Variants in MTUS2 observed in about 807,000 individuals in gnomAD.
The protein encoded by MTUS2 is microtubule-associated tumor suppressor candidate 2.
In MTUS2, 40 loss-of-function variants were observed where a neutral mutation model predicts 114.1. The observed-to-expected ratio is 0.35, with a 90% CI of 0.27 to 0.46. The LOEUF (loss-of-function observed/expected upper bound fraction) is 0.46, where lower values mean the gene tolerates loss of function less well. Among genes scored for constraint, MTUS2 ranks in the 20% least tolerant of loss-of-function variants. The pLI, the probability that MTUS2 is intolerant of heterozygous loss-of-function variation, is 1.00. For missense variants in MTUS2, 1,679 were observed against 1,705.4 expected (o/e 0.98, Z 0.27); for synonymous variants, 688 against 672.0 (o/e 1.02, Z -0.37).
chr13:29,021,724 C>CT (rs1886298353), intron 2 of MTUS2, among the ~76,000 whole-genome samples: 1 of 152,182 alleles, frequency 6.6e-6, no homozygotes, highest in Non-Finnish European at 1.5e-5. Flanking sequence ...AAACTGTGAT[C>CT]TTATTGATTT....
intron 4 of MTUS2, among the ~76,000 whole-genome samples, chr13:29,100,242 A>T (rs1257446111): frequency 6.6e-6 from 1 of 152,206 alleles, no homozygotes; most frequent in Non-Finnish European, 1.5e-5. Flanking sequence ...CTAGTTCCAC[A>T]GTCTGCACTA....
intron 2 of MTUS2, among the ~76,000 whole-genome samples, chr13:28,921,716 G>T (rs1027766080): frequency 8.5e-5 from 13 of 152,184 alleles, no homozygotes; most frequent in Non-Finnish European, 1.6e-4. Context: ...CTGCTGGGAT[G>T]GGTGGTTCCT....
At chr13:29,319,678 G>A (rs1261766854) in intron 6 of MTUS2, among the ~76,000 whole-genome samples, 1 of 152,146 alleles carries the variant, frequency 6.6e-6, no homozygotes, top group Non-Finnish European at 1.5e-5. Flanking sequence ...CTGACCACAT[G>A]AAACAAGAGG....
chr13:28,937,911 C>T (rs904954614), intron 2 of MTUS2, among the ~76,000 whole-genome samples: 2 of 152,162 alleles, frequency 1.3e-5, no homozygotes, highest in Non-Finnish European at 2.9e-5. Context: ...TTGGTACCCT[C>T]ACTCCTTTAA....
At position 29,062,822 on chromosome 13, in the gene MTUS2, A is replaced by G. The variant is rs185194105; in HGVS notation, c.2446+28697A>G. On this transcript the variant is annotated intron_variant, in intron 4 of 15. Coordinates refer to ENST00000612955, the MANE Select transcript of MTUS2 (RefSeq NM_001033602.4). ...TCCTCCTAGTGTTTCTGTGTCATAAATGAATGATATTTCCTAAGACCCTTG... is the reference window on the plus strand; with the variant it reads ...TCCTCCTAGTGTTTCTGTGTCATAAGTGAATGATATTTCCTAAGACCCTTG... Among the ~76,000 whole-genome samples, 34 of 152,334 alleles carry G rather than the reference A, an allele frequency of 2.2e-4. No homozygotes were observed. The East Asian group carries it at 4.2e-3, about 19-fold the overall frequency.
intron 5 of MTUS2, among the ~76,000 whole-genome samples, chr13:29,181,165 G>T (rs11147367): frequency 0.15 from 22,679 of 152,066 alleles, 1,883 homozygotes; most frequent in East Asian, 0.31. Context: ...ATATTCTCTC[G>T]ATGGGCCCGG....
chr13:28,907,068 A>G (rs1248222049), intron 2 of MTUS2, among the ~76,000 whole-genome samples: 1 of 151,680 alleles, frequency 6.6e-6, no homozygotes, highest in Non-Finnish European at 1.5e-5. Context: ...CAGAAACCGT[A>G]CAAGCCAGAA....
At chr13:29,491,793 G>A (rs1882122730) in intron 11 of MTUS2, among the ~76,000 whole-genome samples, 3 of 146,110 alleles carry the variant, frequency 2.1e-5, no homozygotes, top group African/African-American at 5.1e-5. Context: ...GCTGTTGTAT[G>A]TAGCGTATGT....
At position 29,504,600 on chromosome 13, in the gene MTUS2, G is replaced by C. The variant is rs1419661760; in HGVS notation, c.*1394G>C. 8.6e-6 allele frequency: 2 copies of C among 232,840 alleles called. No homozygotes were observed. Among genetic ancestry groups the C allele is most frequent in the Non-Finnish European group, 1.7e-5 (2 of 117,834 alleles). 14.4% of individuals were successfully genotyped at this position (232,840 alleles called of 1,614,324 possible). A position where few individuals can be genotyped will look rare whatever the true frequency, so the allele number is the denominator to read the frequency against. On this transcript the variant is annotated 3_prime_UTR_variant, in exon 16 of 16. Coordinates refer to ENST00000612955, the MANE Select transcript of MTUS2 (RefSeq NM_001033602.4). Reference sequence around the variant, plus strand: ...CCAGGGGGCACCAGCTCCTGGACTGGCATCTGTCTCTAAAATGGTAGAATT... The same window carrying C: ...CCAGGGGGCACCAGCTCCTGGACTGCCATCTGTCTCTAAAATGGTAGAATT...
intron 2 of MTUS2, among the ~76,000 whole-genome samples, chr13:28,998,260 G>T (rs1375857814): frequency 6.6e-6 from 1 of 152,228 alleles, no homozygotes. Context: ...CAAGAGATCA[G>T]CTGTTAGTCC....
intron 3 of MTUS2, among the ~76,000 whole-genome samples, chr13:29,031,576 C>G (rs1886833445): frequency 6.6e-6 from 1 of 151,874 alleles, no homozygotes; most frequent in Non-Finnish European, 1.5e-5. Context: ...GCAGAATCCC[C>G]TTTTCTTTAG....
intron 11 of MTUS2, among the ~76,000 whole-genome samples, chr13:29,488,435 CTCT>C (rs1221082611): frequency 1.5e-5 from 2 of 136,064 alleles, no homozygotes; most frequent in Non-Finnish European, 3.1e-5. Context: ...TTTTTTTTTC[CTCT>C]TTTTTTTTTT....
intron 2 of MTUS2, among the ~76,000 whole-genome samples, chr13:29,020,193 C>T (rs1886235050): frequency 6.6e-6 from 1 of 152,028 alleles, no homozygotes; most frequent in African/African-American, 2.4e-5. Flanking sequence ...GATAAAATAT[C>T]AATTACTTCT....
intron 5 of MTUS2, among the ~76,000 whole-genome samples, chr13:29,265,307 C>G (rs1897627905): frequency 6.6e-6 from 1 of 152,182 alleles, no homozygotes; most frequent in Admixed American, 6.5e-5. Context: ...GTTTGTCAGC[C>G]TAGATTTCAC....
chr13:29,176,447 G>A (rs1042754520), intron 5 of MTUS2, among the ~76,000 whole-genome samples: 15 of 152,144 alleles, frequency 9.9e-5, no homozygotes, highest in Admixed American at 3.3e-4. Context: ...GTGCTATCTC[G>A]TGCGGCTCAC....
At chr13:28,888,419 C>CTTTT (rs11447851) in intron 2 of MTUS2, among the ~76,000 whole-genome samples, 1 of 135,788 alleles carries the variant, frequency 7.4e-6, no homozygotes, top group Non-Finnish European at 1.6e-5. Context: ...CTCTTGGCAT[C>CTTTT]TTTTTTTTTT....
chr13:29,487,575 G>A (rs763056690), intron 10 of MTUS2: 17 of 293,156 alleles, frequency 5.8e-5, no homozygotes, highest in East Asian at 1.5e-4. Flanking sequence ...TTCCTTTGCC[G>A]TCATCGCTCA....
At chr13:29,461,482 A>G (rs1434834739) in intron 9 of MTUS2, among the ~76,000 whole-genome samples, 1 of 152,254 alleles carries the variant, frequency 6.6e-6, no homozygotes, top group Non-Finnish European at 1.5e-5. Flanking sequence ...ACAAAGATAC[A>G]TACAAATACC....
At chr13:29,447,205 C>T (rs879933785) in intron 9 of MTUS2, among the ~76,000 whole-genome samples, 2 of 152,020 alleles carry the variant, frequency 1.3e-5, no homozygotes, top group Admixed American at 1.3e-4. Context: ...GGAGACAGGG[C>T]ACTCTGGTGT....
Sources: gnomAD v4.1 joint callset for allele counts (sites outside exome capture counted in the v4.1 genomes callset) on GRCh38, gnomAD v4.1.1 for gene constraint, MANE v1.5 for transcripts, NCBI Gene and HGNC (gene_info 2026-07-23, HGNC 2026-07-21) for gene names.